The following MREG variants were observed in gnomAD, a reference collection of about 807,000 sequenced individuals.
MREG encodes dilute suppressor protein homolog.
MREG carries 31 observed loss-of-function variants against 28.5 expected under a neutral mutation model. That is an observed-to-expected ratio of 1.09 (90% CI 0.82 to 1.47). The LOEUF (loss-of-function observed/expected upper bound fraction) is 1.47, where lower values mean the gene tolerates loss of function less well. Ranked by LOEUF, MREG falls within the 40% of genes most tolerant of loss-of-function variation. The pLI is 0.00. For missense variants in MREG, 256 were observed against 257.4 expected, an observed-to-expected ratio of 0.99 and a Z score of 0.04; for synonymous variants, 106 against 95.2, an observed-to-expected ratio of 1.11 and a Z score of -0.66.
intron 2 of MREG, among the ~76,000 whole-genome samples, chr2:215,979,202 G>A (rs549822459): frequency 3.9e-4 from 59 of 152,230 alleles, no homozygotes; most frequent in African/African-American, 1.3e-3. Flanking sequence ...GGTGGCTCAC[G>A]CCTGTAATCC....
chr2:216,033,827 G>T (rs1218051924), upstream of MREG: 1 of 152,272 alleles, frequency 6.6e-6, no homozygotes, highest in Non-Finnish European at 1.5e-5. Flanking sequence ...CTTGAAAGCT[G>T]AAACTAACCC....
upstream of MREG, among the ~76,000 whole-genome samples, chr2:216,015,124 T>TGTGTGCGCGCGTGC (rs1694417325): frequency 9.4e-5 from 5 of 53,174 alleles, no homozygotes; most frequent in Admixed American, 9.2e-4. Context: ...TGCACGCGTG[T>TGTGTGCGCGCGTGC]GTGTGCGCGC....
chr2:216,008,483 C>T (rs113846729), intron 1 of MREG, among the ~76,000 whole-genome samples: 4 of 152,290 alleles, frequency 2.6e-5, no homozygotes, highest in African/African-American at 9.6e-5. Flanking sequence ...TCTCTTAAGC[C>T]ACCCAAGTGG....
chr2:215,993,641 G>A (rs570133013), intron 2 of MREG, among the ~76,000 whole-genome samples: 12 of 152,146 alleles, frequency 7.9e-5, no homozygotes, highest in Non-Finnish European at 1.5e-4. Flanking sequence ...CCTACAGAAT[G>A]AGAGAAAATT....
intron 2 of MREG, among the ~76,000 whole-genome samples, chr2:215,975,588 A>T (rs1196779675): frequency 6.6e-6 from 1 of 152,216 alleles, no homozygotes; most frequent in Non-Finnish European, 1.5e-5. Flanking sequence ...AGCCAAGAGA[A>T]AAATGTAAAT....
chr2:215,943,445 C>T lies in MREG; in HGVS notation c.*1418G>A. On this transcript the variant is annotated 3_prime_UTR_variant, in exon 5 of 5. Transcript: ENST00000263268. The stretch of plus-strand genomic sequence containing the variant: ...TGTGCAAGTCTGCATGAGAGGTCCC[C>T]CCACAGGTGCAGCTGCCAGCCAACG... 2 of 456,702 alleles carry T rather than the reference C, an allele frequency of 4.4e-6. No homozygotes were observed. Among genetic ancestry groups the T allele is most frequent in the Non-Finnish European group, 8.8e-6 (2 of 226,972 alleles). 28.3% of individuals were successfully genotyped at this position (456,702 alleles called of 1,614,324 possible).
chr2:215,957,299 T>C (rs779661172), intron 2 of MREG, among the ~76,000 whole-genome samples: 23 of 152,044 alleles, frequency 1.5e-4, no homozygotes, highest in Non-Finnish European at 2.6e-4. Context: ...AACCCAAAGA[T>C]GTTCTTTTTC....
At chr2:216,019,558 G>A (rs1279605020) in intron 1 of MREG, among the ~76,000 whole-genome samples, 1 of 150,346 alleles carries the variant, frequency 6.7e-6, no homozygotes, top group African/African-American at 2.5e-5. Context: ...AGGCTGGAGT[G>A]CAGTGACGCA....
chr2:216,028,797 A>G (rs1191397899), intron 1 of MREG, among the ~76,000 whole-genome samples: 1 of 152,140 alleles, frequency 6.6e-6, no homozygotes, highest in African/African-American at 2.4e-5. Context: ...AATTCTACCA[A>G]TTACAGACAA....
chr2:216,001,330 G>A (rs886344407), intron 1 of MREG, among the ~76,000 whole-genome samples: 1 of 152,202 alleles, frequency 6.6e-6, no homozygotes, highest in Non-Finnish European at 1.5e-5. Flanking sequence ...ATTAGAAGCA[G>A]TATTCCCCTA....
At chr2:215,949,087 C>CTACTACTACTACTAA (rs869228880) in intron 2 of MREG, among the ~76,000 whole-genome samples, 3 of 124,602 alleles carry the variant, frequency 2.4e-5, no homozygotes, top group Non-Finnish European at 3.3e-5. Context: ...ACTACTACTA[C>CTACTACTACTACTAA]TAATAATAAT....
At chr2:215,967,339 T>A (rs1399721251) in intron 2 of MREG, among the ~76,000 whole-genome samples, 2 of 152,178 alleles carry the variant, frequency 1.3e-5, no homozygotes, top group Non-Finnish European at 2.9e-5. Context: ...AATAGCAGAG[T>A]GGCACTAGTC....
chr2:215,979,506 T>C (rs981275957), intron 2 of MREG, among the ~76,000 whole-genome samples: 1 of 140,008 alleles, frequency 7.1e-6, no homozygotes, highest in Non-Finnish European at 1.5e-5. Context: ...ATAATAATAA[T>C]AATAATAAAA....
chr2:216,014,611 T>G (rs1167629972), upstream of MREG, among the ~76,000 whole-genome samples: 4 of 150,492 alleles, frequency 2.7e-5, no homozygotes, highest in Admixed American at 2.7e-4. Flanking sequence ...ATCACGCCAC[T>G]GCACTCCAGC....
intron 1 of MREG, among the ~76,000 whole-genome samples, chr2:216,023,193 C>T (rs1694551199): frequency 6.6e-6 from 1 of 152,216 alleles, no homozygotes; most frequent in Admixed American, 6.5e-5. Context: ...GACTTCCCCA[C>T]AAAGGTTATA....
At chr2:215,994,487 C>A (rs977950813) in intron 2 of MREG, among the ~76,000 whole-genome samples, 1 of 151,464 alleles carries the variant, frequency 6.6e-6, no homozygotes, top group Non-Finnish European at 1.5e-5. Flanking sequence ...GGTGAGCAAA[C>A]CACCATGGCA....
At chr2:215,963,828 A>G (rs1225567727) in intron 2 of MREG, among the ~76,000 whole-genome samples, 1 of 152,192 alleles carries the variant, frequency 6.6e-6, no homozygotes, top group Non-Finnish European at 1.5e-5. Flanking sequence ...TTTCATACCC[A>G]TAATTCATTA....
chr2:215,983,514 T>A (rs12997181), intron 2 of MREG, among the ~76,000 whole-genome samples: 13,164 of 152,260 alleles, frequency 0.086, 606 homozygotes, highest in African/African-American at 0.1. Context: ...CTTAAACATT[T>A]TTAAGGAAGT....
chr2:215,996,372 C>T lies in MREG; in HGVS notation c.189G>A (p.Glu63=), dbSNP rs1351458484. 14 of 1,613,858 alleles carry T rather than the reference C, an allele frequency of 8.7e-6. No individual in the cohort carries two copies. Among genetic ancestry groups the T allele is most frequent in the Non-Finnish European group, 1.2e-5 (14 of 1,179,888 alleles). ...TGTACAGGGTTCTGTCGTCGTCTGC[C>T]TCTGTGTGGGACACATCATGGGGCA... ...WSMPHDVSHT[E]ADDDRTLYNL... Residue 63 remains glutamate, a synonymous_variant, in exon 2 of 5, where the codon GAG becomes GAA. Coordinates refer to ENST00000263268, the MANE Select transcript of MREG (RefSeq NM_018000.3).
Sources: allele counts gnomAD v4.1 joint callset (sites outside exome capture counted in the v4.1 genomes callset), GRCh38; gene constraint gnomAD v4.1.1; transcripts MANE v1.5; gene names NCBI Gene and HGNC (gene_info 2026-07-23, HGNC 2026-07-21).